C15orf40: variants seen among roughly 807,000 people sequenced by gnomAD.
C15orf40 encodes UPF0235 protein C15orf40.
C15orf40 carries 9 observed loss-of-function variants against 13.9 expected under a neutral mutation model. The observed-to-expected ratio is 0.65, with a 90% CI of 0.39 to 1.13. C15orf40 has a LOEUF of 1.13. Among genes scored for constraint, C15orf40 ranks in the 50% most tolerant of loss-of-function variants. The pLI, the probability that C15orf40 is intolerant of heterozygous loss-of-function variation, is 0.01. For missense variants in C15orf40, 225 were observed against 188.5 expected, an observed-to-expected ratio of 1.19 and a Z score of -1.13; for synonymous variants, 95 against 69.2, an observed-to-expected ratio of 1.37 and a Z score of -1.85.
At chr15:83,008,232 G>A in intron 3 of C15orf40, 1 of 231,620 alleles carries the variant, frequency 4.3e-6, no homozygotes, top group South Asian at 5.7e-5. Context: ...TAAAAAGAGA[G>A]AGACCTCCGG....
intron 3 of C15orf40, 184 bp downstream of exon 3, chr15:83,008,364 C>T (rs1389543281): frequency 1.5e-5 from 8 of 537,158 alleles, no homozygotes; most frequent in East Asian, 3.8e-5. Flanking sequence ...ATTAAAAATA[C>T]AAAAATTAGC....
At chr15:82,989,668 C>T (rs978689263), downstream of C15orf40, among the ~76,000 whole-genome samples, 1 of 152,122 alleles carries the variant, frequency 6.6e-6, no homozygotes, top group Admixed American at 6.5e-5. Context: ...CTGCCTATGT[C>T]TCTGTAAAGT....
At chr15:83,008,393 C>G (rs1361130449) in intron 3 of C15orf40, 155 bp downstream of exon 3, 3 of 681,616 alleles carry the variant, frequency 4.4e-6, no homozygotes, top group Non-Finnish European at 7.3e-6. Context: ...GTGGCATGCG[C>G]CTATAATCCC....
At chr15:83,006,553 A>C in intron 3 of C15orf40, 2 of 780,052 alleles carry the variant, frequency 2.6e-6, no homozygotes, top group Non-Finnish European at 3.1e-6. Flanking sequence ...TGAGGTCAGG[A>C]GTTCGAGACC....
chr15:83,008,165 C>A (rs922476932), intron 3 of C15orf40: 4 of 203,554 alleles, frequency 2.0e-5, no homozygotes, highest in Non-Finnish European at 4.0e-5. Context: ...GCACTCCAGG[C>A]TGGACAACAG....
chr15:82,991,267 G>A (rs942879858), downstream of C15orf40, among the ~76,000 whole-genome samples: 3 of 152,200 alleles, frequency 2.0e-5, no homozygotes, highest in African/African-American at 7.2e-5. Flanking sequence ...GCGTCTTCCA[G>A]CCAGGCATGG....
downstream of C15orf40, chr15:82,991,967 G>GAGTGCTGGGATAA: frequency 2.4e-6 from 3 of 1,251,150 alleles, no homozygotes; most frequent in Non-Finnish European, 3.1e-6. Context: ...TGTTATCCCA[G>GAGTGCTGGGATAA]CACTCTGGGA....
chr15:82,996,848 A>G lies in C15orf40; in HGVS notation c.*8749T>C, dbSNP rs1596400397. On this transcript the variant is annotated 3_prime_UTR_variant, in exon 4 of 4. Coordinates refer to ENST00000304177, the MANE Select transcript of C15orf40 (RefSeq NM_144597.3). ...TGGTGAAACCCCGTCTCTACTAAAA[A>G]TACAACAACAAGAAAAAAATTTAGC... 1 of 151,050 alleles carries G rather than the reference A, an allele frequency of 6.6e-6. No homozygotes were observed. The highest frequency in any genetic ancestry group is 1.5e-5 in the Non-Finnish European group (1 of 67,792). The allele number at this position is 151,050 out of a possible 1,614,324, so 9.4% of individuals were successfully genotyped here.
At chr15:82,990,935 A>G (rs947647155), downstream of C15orf40, 13 of 301,592 alleles carry the variant, frequency 4.3e-5, no homozygotes. Flanking sequence ...TTTCTCTCCT[A>G]TAAATAGTGA....
At chr15:83,010,446 C>A in intron 1 of C15orf40, 83 bp from the exon 2 acceptor site, 1 of 1,527,006 alleles carries the variant, frequency 6.5e-7, no homozygotes, top group South Asian at 1.2e-5. Context: ...CCCCCTTTCA[C>A]CCTTAACAGA....
downstream of C15orf40, chr15:82,990,736 C>G: frequency 8.3e-7 from 1 of 1,207,206 alleles, no homozygotes; most frequent in Non-Finnish European, 1.2e-6. Flanking sequence ...TCATTTTATA[C>G]AAACACTAAA....
chr15:83,001,368 C>A lies in C15orf40; in HGVS notation c.*4229G>T. ...ACATCATGTTTGCACAAGTAATTAT[C>A]ATTTATTAAGGTGCGGGTGATAGAT... On this transcript the variant is annotated 3_prime_UTR_variant, in exon 4 of 4. Transcript: ENST00000304177. The A allele has an allele frequency of 1.1e-6, 1 of 895,122 alleles. No individual in the cohort carries two copies. Among genetic ancestry groups the A allele is most frequent in the Non-Finnish European group, 1.3e-6 (1 of 747,850 alleles). The allele number at this position is 895,122 out of a possible 1,614,324, so 55.4% of individuals were successfully genotyped here. A position where few individuals can be genotyped will look rare whatever the true frequency, so the allele number is the denominator to read the frequency against.
At chr15:82,989,846 G>A, downstream of C15orf40, 3 of 1,601,928 alleles carry the variant, frequency 1.9e-6, no homozygotes, top group Non-Finnish European at 2.6e-6. Context: ...TTTAACAAGG[G>A]AAGTTTAAAG....
chr15:83,002,859 A>T lies in C15orf40; in HGVS notation c.*2738T>A, dbSNP rs2031476126. ...CAGCCCACGCTGGAGCGCAGTTCGC[A>T]GTTGTGCGATCTTGGCTCACTGCAA... is the stretch of plus-strand genomic sequence containing the variant. On this transcript the variant is annotated 3_prime_UTR_variant, in exon 4 of 4. Coordinates refer to ENST00000304177, the MANE Select transcript of C15orf40 (RefSeq NM_144597.3). 1 of 152,158 alleles carries T rather than the reference A, an allele frequency of 6.6e-6. No homozygotes were observed. Among genetic ancestry groups the T allele is most frequent in the Admixed American group, 6.5e-5 (1 of 15,274 alleles). 9.4% of individuals were successfully genotyped at this position (152,158 alleles called of 1,614,324 possible).
At position 82,994,856 on chromosome 15, in the gene C15orf40, GA is replaced by G. The variant is rs1175452638; in HGVS notation, c.*10740del. 3.3e-5 allele frequency: 5 copies of G among 152,140 alleles called. No homozygotes were observed. The highest frequency in any genetic ancestry group is 1.2e-4 in the African/African-American group (5 of 41,448). The allele number at this position is 152,140 out of a possible 1,614,324, so 9.4% of individuals were successfully genotyped here. ...TTCTGTTTATTTATGAACACAGAAAGATATGCTTTTAAAACTCTCAAATTTT... is the reference window on the plus strand; with the variant it reads ...TTCTGTTTATTTATGAACACAGAAAGTATGCTTTTAAAACTCTCAAATTTT... On this transcript the variant is annotated 3_prime_UTR_variant, in exon 4 of 4. Coordinates refer to ENST00000304177, the MANE Select transcript of C15orf40 (RefSeq NM_144597.3).
At chr15:82,989,155 G>C (rs1421761050), downstream of C15orf40, 1 of 1,613,550 alleles carries the variant, frequency 6.2e-7, no homozygotes, top group South Asian at 1.1e-5. Context: ...TGGAATAGCA[G>C]AGCTGGTGGG....
chr15:82,997,002 G>C lies in C15orf40; in HGVS notation c.*8595C>G. On this transcript the variant is annotated 3_prime_UTR_variant, in exon 4 of 4. Coordinates refer to ENST00000304177, the MANE Select transcript of C15orf40 (RefSeq NM_144597.3). ...CACTGCACTCCAGCCTAGGCAACAAGAGCGAAACTTCGTCTCAAATAATAA... is the reference window on the plus strand; with the variant it reads ...CACTGCACTCCAGCCTAGGCAACAACAGCGAAACTTCGTCTCAAATAATAA... 1 of 148,578 alleles carries C rather than the reference G, an allele frequency of 6.7e-6. No homozygotes were observed. The highest frequency in any genetic ancestry group is 1.5e-5 in the Non-Finnish European group (1 of 67,394). 9.2% of individuals were successfully genotyped at this position (148,578 alleles called of 1,614,324 possible). A position where few individuals can be genotyped will look rare whatever the true frequency, so the allele number is the denominator to read the frequency against.
downstream of C15orf40, chr15:82,994,681 C>G (rs2030981093): frequency 6.6e-6 from 1 of 152,136 alleles, no homozygotes; most frequent in Admixed American, 6.5e-5. Flanking sequence ...AAACTATTCA[C>G]TGAAATGCCT....
chr15:82,991,945 G>A, downstream of C15orf40: 3 of 1,286,012 alleles, frequency 2.3e-6, no homozygotes, highest in South Asian at 3.7e-5. Flanking sequence ...GTTGGGTATG[G>A]TGGCTCACAC....
Sources: allele counts gnomAD v4.1 joint callset (sites outside exome capture counted in the v4.1 genomes callset), GRCh38; gene constraint gnomAD v4.1.1; transcripts MANE v1.5; gene names NCBI Gene and HGNC (gene_info 2026-07-23, HGNC 2026-07-21).